MAP3K4: variants seen among roughly 807,000 people sequenced by gnomAD.
MAP3K4 encodes the protein mitogen-activated protein kinase kinase kinase 4, also known as MAP three kinase 1.
MAP3K4 carries 67 observed loss-of-function variants against 185.6 expected under a neutral mutation model. The ratio of observed to expected loss-of-function variants is 0.36; its 90% confidence interval spans 0.30 to 0.44. MAP3K4 has a LOEUF of 0.44. Among genes scored for constraint, MAP3K4 ranks in the 20% least tolerant of loss-of-function variants. The probability of loss-of-function intolerance (pLI) is 1.00; values close to 1 mark genes in which losing one functional copy is unlikely to be tolerated. For missense variants in MAP3K4, 1,551 were observed against 1,995.1 expected, an observed-to-expected ratio of 0.78 and a Z score of 4.24; for synonymous variants, 702 against 710.4, an observed-to-expected ratio of 0.99 and a Z score of 0.19.
chr6:161,040,926 G>A (rs746865521), intron 2 of MAP3K4, among the ~76,000 whole-genome samples: 20 of 152,228 alleles, frequency 1.3e-4, no homozygotes, highest in Non-Finnish European at 2.4e-4. Flanking sequence ...CTGGCCAGTG[G>A]GTTCTGCAGG....
chr6:161,081,939 G>C (rs1785479856), intron 6 of MAP3K4, among the ~76,000 whole-genome samples: 1 of 152,076 alleles, frequency 6.6e-6, no homozygotes, highest in Non-Finnish European at 1.5e-5. Flanking sequence ...TCTTGTATTA[G>C]AGCAGCAGCT....
intron 1 of MAP3K4, among the ~76,000 whole-genome samples, chr6:161,011,066 G>C (rs1200316010): frequency 6.6e-6 from 1 of 152,190 alleles, no homozygotes; most frequent in African/African-American, 2.4e-5. Context: ...ACAACAGAAA[G>C]AAGGGTGGGA....
In MAP3K4 at chr6:161,114,495, TAGAA is replaced by T. The variant is rs1778505722; in HGVS notation, c.4627-625_4627-622del. 1.3e-5 allele frequency among the ~76,000 whole-genome samples: 2 copies of T among 152,314 alleles called. No individual in the cohort carries two copies. Among genetic ancestry groups the T allele is most frequent in the African/African-American group, 2.4e-5 (1 of 41,578 alleles). ...AGCATTATTTCTATTAGCATTAAAA[TAGAA>T]AGGCAGTTGTGATATCTGTGTTATT... On this transcript the variant is annotated intron_variant, in intron 25 of 26. Transcript: ENST00000392142. This position sits in a 1 kb window ranked among gnomAD's most constrained non-coding sequence, Gnocchi z 4.3.
At chr6:161,089,033 C>T (rs1321670790) in intron 10 of MAP3K4, among the ~76,000 whole-genome samples, 1 of 152,148 alleles carries the variant, frequency 6.6e-6, no homozygotes, top group Non-Finnish European at 1.5e-5. Flanking sequence ...CACACTCACA[C>T]ACACTCTGCA....
chr6:161,023,846 CTTAG>C (rs577889479), intron 1 of MAP3K4, among the ~76,000 whole-genome samples: 2 of 152,140 alleles, frequency 1.3e-5, no homozygotes, highest in South Asian at 4.1e-4. Flanking sequence ...AGTTTTGGCT[CTTAG>C]TCTTTTATAC....
Position 161,093,664 on chromosome 6 carries a change from T to C in MAP3K4, c.3349-109T>C. ...TCTTTTAAACTAACTGAAAATATTTTGGGTAGCATGTTTTTAAAAATATAC... is the reference window on the plus strand; with the variant it reads ...TCTTTTAAACTAACTGAAAATATTTCGGGTAGCATGTTTTTAAAAATATAC... On this transcript the variant is annotated intron_variant, in intron 14 of 26. Transcript: ENST00000392142. The surrounding 1 kb of genome is among the most constrained non-coding windows in gnomAD (Gnocchi z 5.2). The C allele has an allele frequency of 1.6e-6, 1 of 632,440 alleles. No individual in the cohort carries two copies. Among genetic ancestry groups the C allele is most frequent in the Non-Finnish European group, 2.8e-6 (1 of 359,756 alleles). The allele number at this position is 632,440 out of a possible 1,614,324, so 39.2% of individuals were successfully genotyped here. A position where few individuals can be genotyped will look rare whatever the true frequency, so the allele number is the denominator to read the frequency against.
rs958748909 is a variant in MAP3K4, at chr6:161,082,085, C to G, written c.2255+1047C>G. On this transcript the variant is annotated intron_variant, in intron 6 of 26. Coordinates refer to ENST00000392142, the MANE Select transcript of MAP3K4 (RefSeq NM_005922.4). This position sits in a 1 kb window ranked among gnomAD's most constrained non-coding sequence, Gnocchi z 4.2. Reference sequence around the variant, plus strand: ...GTATCCACTTCTCTGTTCTAATGGCCAGTTCTTTTTACATCCTCTCTCTTT... The same window carrying G: ...GTATCCACTTCTCTGTTCTAATGGCGAGTTCTTTTTACATCCTCTCTCTTT... 6.6e-6 allele frequency among the ~76,000 whole-genome samples: 1 copy of G among 151,950 alleles called. No homozygotes were observed. Among genetic ancestry groups the G allele is most frequent in the African/African-American group, 2.4e-5 (1 of 41,362 alleles).
intron 6 of MAP3K4, among the ~76,000 whole-genome samples, chr6:161,083,204 G>T (rs980616464): frequency 2.6e-5 from 4 of 152,054 alleles, no homozygotes; most frequent in Admixed American, 1.3e-4. Flanking sequence ...TACCTTCTCG[G>T]TATATTTAAG....
rs1241481768 is a variant in MAP3K4 at position 161,117,240 on chromosome 6, T to C, written c.*370T>C. ...GGCGTCCCATACCTTGTTTTTAATC[T>C]CCTGTTTGTTGAGTGCACTGACTGT... is the stretch of plus-strand genomic sequence containing the variant. On this transcript the variant is annotated 3_prime_UTR_variant, in exon 27 of 27. Coordinates refer to ENST00000392142, the MANE Select transcript of MAP3K4 (RefSeq NM_005922.4). The C allele has an allele frequency of 9.9e-6, 2 of 201,472 alleles. No homozygotes were observed. Among genetic ancestry groups the C allele is most frequent in the Non-Finnish European group, 2.0e-5 (2 of 100,700 alleles). The allele number at this position is 201,472 out of a possible 1,614,324, so 12.5% of individuals were successfully genotyped here.
chr6:161,060,910 G>A (rs534300741), intron 3 of MAP3K4, among the ~76,000 whole-genome samples: 42 of 152,206 alleles, frequency 2.8e-4, no homozygotes, highest in African/African-American at 8.7e-4. Flanking sequence ...ACGAGCCACC[G>A]CGCCCGGCCA....
chr6:161,075,628 G>A lies in MAP3K4; in HGVS notation c.2097+2016G>A, dbSNP rs1055999113. 2.0e-5 allele frequency among the ~76,000 whole-genome samples: 3 copies of A among 152,212 alleles called. No homozygotes were observed. The highest frequency in any genetic ancestry group is 7.2e-5 in the African/African-American group (3 of 41,458). Reference sequence around the variant, plus strand: ...GCTGGCCCTTTATCCTGTAGTGGCAGGGGAGCAGGGTGAGGAGCATCAGGC... The same window carrying A: ...GCTGGCCCTTTATCCTGTAGTGGCAAGGGAGCAGGGTGAGGAGCATCAGGC... On this transcript the variant is annotated intron_variant, in intron 5 of 26. Transcript: ENST00000392142. The surrounding 1 kb of genome is among the most constrained non-coding windows in gnomAD (Gnocchi z 4.3).
chr6:161,055,564 C>T lies in MAP3K4; in HGVS notation c.1707+5585C>T, dbSNP rs116181016. On this transcript the variant is annotated intron_variant, in intron 3 of 26. Coordinates refer to ENST00000392142, the MANE Select transcript of MAP3K4 (RefSeq NM_005922.4). ...ATACAAAGTGCTGTTAACTAAACTA[C>T]AGACTTTTATTTGGATTTCCCACTT... Among the ~76,000 whole-genome samples the T allele has an allele frequency of 6.5e-3, 985 of 152,288 alleles. 8 individuals carry two copies. Among genetic ancestry groups the T allele is most frequent in the African/African-American group, 0.022 (932 of 41,550 alleles).
Position 161,070,777 on chromosome 6 carries a change from T to G in MAP3K4, c.1877T>G (p.Val626Gly). 1 of 1,614,146 alleles carries G rather than the reference T, an allele frequency of 6.2e-7. No individual in the cohort carries two copies. Among genetic ancestry groups the G allele is most frequent in the Non-Finnish European group, 8.5e-7 (1 of 1,180,012 alleles). The stretch of plus-strand genomic sequence containing the variant: ...GTTCTCTGCCGAGTCCTTCTGAATG[T>G]CATACATGAGTGTCTGAAGTTAAGA... ...FLVLCRVLLNVIHECLKLRLE... is the reference protein window; with the variant it reads ...FLVLCRVLLNGIHECLKLRLE... Residue 626 changes from valine (V) to glycine (G), a missense_variant, in exon 4 of 27, where the codon GTC becomes GGC. Physicochemically the swap from Val to Gly is moderately radical, Grantham distance 109 (BLOSUM62 -3). Around this residue, in one of 16 missense-constraint regions of MAP3K4, gnomAD observed 27 missense variants for 64.4 expected, o/e 0.42. Coordinates refer to ENST00000392142, the MANE Select transcript of MAP3K4 (RefSeq NM_005922.4). This position sits in a 1 kb window ranked among gnomAD's most constrained non-coding sequence, Gnocchi z 4.5.
chr6:161,089,231 A>C, intron 10 of MAP3K4, 91 bp from the exon 11 acceptor site: 1 of 1,388,146 alleles, frequency 7.2e-7, no homozygotes. Flanking sequence ...GGTATCCCTG[A>C]GATTGGCATT....
chr6:161,010,379 T>C (rs1278488926), intron 1 of MAP3K4, among the ~76,000 whole-genome samples: 1 of 152,190 alleles, frequency 6.6e-6, no homozygotes, highest in Non-Finnish European at 1.5e-5. Flanking sequence ...ATAAATAATC[T>C]CAAGTAATAT....
chr6:161,050,179 G>A (rs1399164865), intron 3 of MAP3K4, among the ~76,000 whole-genome samples, 200 bp downstream of exon 3: 1 of 152,164 alleles, frequency 6.6e-6, no homozygotes, highest in Non-Finnish European at 1.5e-5. Context: ...AGTGAATTAA[G>A]TGCAGGGTGG....
At chr6:161,050,835 C>T (rs1360405585) in intron 3 of MAP3K4, among the ~76,000 whole-genome samples, 6 of 152,160 alleles carry the variant, frequency 3.9e-5, no homozygotes, top group East Asian at 1.9e-4. Flanking sequence ...ACCTTATACC[C>T]GTGTTAAGTC....
intron 3 of MAP3K4, 145 bp downstream of exon 3, chr6:161,050,124 T>C (rs1783935007): frequency 1.3e-6 from 1 of 771,730 alleles, no homozygotes; most frequent in African/African-American, 1.8e-5. Flanking sequence ...AGCATTTCTG[T>C]AAAGTACTAT....
Position 161,084,657 on chromosome 6 carries a change from C to T in MAP3K4, c.2372+40C>T, listed in dbSNP as rs770286911. On this transcript the variant is annotated intron_variant, in intron 7 of 26. Transcript: ENST00000392142. This position sits in a 1 kb window ranked among gnomAD's most constrained non-coding sequence, Gnocchi z 4.6. ...TCCTTTCCCCTTCCACTTCTTATCTCGTAGTTTCCTTCCTCATGGTGAGAT... is the reference window on the plus strand; with the variant it reads ...TCCTTTCCCCTTCCACTTCTTATCTTGTAGTTTCCTTCCTCATGGTGAGAT... The T allele has an allele frequency of 1.7e-6, 2 of 1,158,410 alleles. No homozygotes were observed. The highest frequency in any genetic ancestry group is 2.6e-6 in the Non-Finnish European group (2 of 766,048). 71.8% of individuals were successfully genotyped at this position (1,158,410 alleles called of 1,614,324 possible). A position where few individuals can be genotyped will look rare whatever the true frequency, so the allele number is the denominator to read the frequency against.
Sources: allele counts gnomAD v4.1 joint callset (sites outside exome capture counted in the v4.1 genomes callset), GRCh38; gene constraint gnomAD v4.1.1; regional missense constraint gnomAD v4.1.1; non-coding constraint Gnocchi (gnomAD v3.1); transcripts MANE v1.5; gene names NCBI Gene and HGNC (gene_info 2026-07-23, HGNC 2026-07-21).